The following RYR2 variants were observed in gnomAD, a reference collection of about 807,000 sequenced individuals.
The protein encoded by RYR2 is ryanodine receptor 2.
In RYR2, 227 loss-of-function variants were observed where a neutral mutation model predicts 601.1. The ratio of observed to expected loss-of-function variants is 0.38; its 90% CI spans 0.34 to 0.42. The LOEUF is 0.42. Among genes scored for constraint, RYR2 ranks in the 10% least tolerant of loss-of-function variants. The pLI is 1.00. For synonymous variants in RYR2, 2,223 were observed against 2,175.1 expected (o/e 1.02, Z -0.61); for missense variants, 4,646 against 6,156.5 (o/e 0.75, Z 8.21).
intron 1 of RYR2, among the ~76,000 whole-genome samples, chr1:237,074,853 G>A (rs1664807490): frequency 6.6e-6 from 1 of 152,184 alleles, no homozygotes; most frequent in African/African-American, 2.4e-5. Context: ...GCCATCCTGG[G>A]CAAGAGTTGA....
At chr1:237,301,643 C>A (rs1693363049) in intron 2 of RYR2, among the ~76,000 whole-genome samples, 3 of 152,060 alleles carry the variant, frequency 2.0e-5, no homozygotes, top group Admixed American at 6.6e-5. Context: ...ATAAAACAGG[C>A]CAGTCTGATG....
At position 237,732,061 on chromosome 1, in the gene RYR2, C is replaced by A; in HGVS notation, c.10951C>A (p.Pro3651Thr). The stretch of plus-strand genomic sequence containing the variant: ...TTTTTTGCAGAAACCTGGGGCTGAA[C>A]CTCCAGAAGAAGATGAAGGCACTAA... The part of the protein sequence containing the change: ...IEDLAKPGAE[P>T]PEEDEGTKRV... Residue 3651 changes from proline (P) to threonine (T), a missense_variant, in exon 78 of 105, where the codon CCT (proline) becomes ACT (threonine). Physicochemically the swap from Pro to Thr is conservative, Grantham distance 38 (BLOSUM62 -1). Transcript: ENST00000366574. 1 of 1,601,640 alleles carries A rather than the reference C, an allele frequency of 6.2e-7. No homozygotes were observed. Among genetic ancestry groups the A allele is most frequent in the Non-Finnish European group, 8.5e-7 (1 of 1,172,760 alleles).
At chr1:237,239,556 T>G (rs937215870) in intron 1 of RYR2, among the ~76,000 whole-genome samples, 1 of 152,168 alleles carries the variant, frequency 6.6e-6, no homozygotes, top group African/African-American at 2.4e-5. Flanking sequence ...CCTTGCCTCC[T>G]TCTTTACTGC....
At chr1:237,712,980 C>A (rs1688966609) in intron 71 of RYR2, among the ~76,000 whole-genome samples, 1 of 152,146 alleles carries the variant, frequency 6.6e-6, no homozygotes. Flanking sequence ...TTAGGTACAC[C>A]CACTCCACTG....
chr1:237,639,614 A>T (rs1314976620), intron 46 of RYR2, among the ~76,000 whole-genome samples: 1 of 152,200 alleles, frequency 6.6e-6, no homozygotes, highest in African/African-American at 2.4e-5. Context: ...CTAAACTGTT[A>T]TGGTGGTAAA....
intron 1 of RYR2, among the ~76,000 whole-genome samples, chr1:237,191,963 A>G (rs1324156582): frequency 1.3e-5 from 2 of 152,166 alleles, no homozygotes; most frequent in Admixed American, 6.5e-5. Context: ...TCCCTAATTA[A>G]CAACAGTGAT....
At chr1:237,345,474 T>TAAATAAAAAAA (rs1558658166) in intron 3 of RYR2, among the ~76,000 whole-genome samples, 5 of 145,466 alleles carry the variant, frequency 3.4e-5, no homozygotes, top group Non-Finnish European at 7.4e-5. Context: ...AAATAAAAAA[T>TAAATAAAAAAA]AAAAAATAAA....
Position 237,627,953 on chromosome 1 carries a change from A to G in RYR2, c.6313A>G (p.Thr2105Ala). The G allele has an allele frequency of 6.2e-7, 1 of 1,613,726 alleles. No homozygotes were observed. Among genetic ancestry groups the G allele is most frequent in the African/African-American group, 1.3e-5 (1 of 74,946 alleles). The change falls in exon 41 of 105, where the codon ACC (threonine) becomes GCC (alanine). Residue 2105 changes from threonine (T) to alanine (A), a missense_variant. This residue lies in a region of RYR2 where 170 missense variants were observed against 184.5 expected (regional missense o/e 0.92). Transcript: ENST00000366574. ...IGGLVRALPK[T>A]YTINGVSVED... ...GGGTCTTGTTCGGGCCCTGCCAAAG[A>G]CCTACACGATAAATGGTGTGTCCGT...
chr1:237,512,726 A>C (rs1197684240), intron 24 of RYR2, among the ~76,000 whole-genome samples: 1 of 152,154 alleles, frequency 6.6e-6, no homozygotes, highest in Non-Finnish European at 1.5e-5. Context: ...TATGAAACTT[A>C]TCTGGGCATA....
intron 85 of RYR2, 89 bp downstream of exon 85, chr1:237,770,976 T>C: frequency 1.4e-6 from 1 of 730,252 alleles, no homozygotes; most frequent in Non-Finnish European, 2.3e-6. Flanking sequence ...GTTCCAATTA[T>C]GCATCGTTCT....
At chr1:237,043,958 G>T (rs1205779282) in intron 1 of RYR2, among the ~76,000 whole-genome samples, 1 of 152,184 alleles carries the variant, frequency 6.6e-6, no homozygotes, top group East Asian at 1.9e-4. Context: ...GCATTAAACG[G>T]ACTGGGAGAA....
intron 41 of RYR2, among the ~76,000 whole-genome samples, chr1:237,628,784 A>G (rs1184249243): frequency 6.6e-6 from 1 of 152,176 alleles, no homozygotes; most frequent in South Asian, 2.1e-4. Context: ...GTGGTGTTTA[A>G]TACATTAAAA....
At chr1:237,204,678 G>T (rs1681596457) in intron 1 of RYR2, among the ~76,000 whole-genome samples, 1 of 152,094 alleles carries the variant, frequency 6.6e-6, no homozygotes, top group Non-Finnish European at 1.5e-5. Context: ...TATTGGCGGG[G>T]TTTTAAAGCT....
intron 25 of RYR2, among the ~76,000 whole-genome samples, chr1:237,545,272 G>A (rs1476330141): frequency 6.6e-6 from 1 of 152,222 alleles, no homozygotes; most frequent in Non-Finnish European, 1.5e-5. Flanking sequence ...TCGCACATTA[G>A]CATAACTTGT....
At chr1:237,128,009 G>C (rs547075719) in intron 1 of RYR2, among the ~76,000 whole-genome samples, 6 of 152,318 alleles carry the variant, frequency 3.9e-5, no homozygotes, top group Admixed American at 2.6e-4. Context: ...CTGCAATCTC[G>C]GCACTTTGGG....
At chr1:237,815,802 G>A in intron 100 of RYR2, among the ~76,000 whole-genome samples, 1 of 152,128 alleles carries the variant, frequency 6.6e-6, no homozygotes, top group South Asian at 2.1e-4. Flanking sequence ...ACATTAACCA[G>A]TATTACATAA....
Position 237,230,927 on chromosome 1 carries a change from C to CAAAAA in RYR2, c.49-39560_49-39556dup, listed in dbSNP as rs34596432. 3.8e-5 allele frequency among the ~76,000 whole-genome samples: 4 copies of CAAAAA among 105,884 alleles called. 1 individual carries two copies. Among genetic ancestry groups the CAAAAA allele is most frequent in the Non-Finnish European group, 3.7e-5 (2 of 54,166 alleles). The allele number at this position is 105,884 out of a possible 152,430, so 69.5% of individuals were successfully genotyped here. A position where few individuals can be genotyped will look rare whatever the true frequency, so the allele number is the denominator to read the frequency against. On this transcript the variant is annotated intron_variant, in intron 1 of 104. Transcript: ENST00000366574. ...CTGGGTGATAGAGAGAGACTCGTCTCAAAAAAAAAAAAAAGGATACTCCTC... is the reference window on the plus strand; with the variant it reads ...CTGGGTGATAGAGAGAGACTCGTCTCAAAAAAAAAAAAAAAAAAAGGATACTCCTC...
intron 3 of RYR2, among the ~76,000 whole-genome samples, chr1:237,351,024 G>A (rs2149671718): frequency 6.6e-6 from 1 of 152,188 alleles, no homozygotes; most frequent in African/African-American, 2.4e-5. Context: ...GGAAGTATAA[G>A]CAAATTTCAA....
intron 84 of RYR2, among the ~76,000 whole-genome samples, chr1:237,762,668 A>G (rs548364096): frequency 6.6e-6 from 1 of 152,328 alleles, no homozygotes; most frequent in South Asian, 2.1e-4. Context: ...GAACTTTGTG[A>G]GAGTGACCAT....
Sources: allele counts gnomAD v4.1 joint callset (sites outside exome capture counted in the v4.1 genomes callset), GRCh38; gene constraint gnomAD v4.1.1; regional missense constraint gnomAD v4.1.1; transcripts MANE v1.5; gene names NCBI Gene and HGNC (gene_info 2026-07-23, HGNC 2026-07-21).